The following SORBS2 variants were observed in gnomAD, a reference collection of about 807,000 sequenced individuals.
SORBS2 encodes sorbin and SH3 domain-containing protein 2.
In SORBS2, 46 loss-of-function variants were observed where a neutral mutation model predicts 97.7. The ratio of observed to expected loss-of-function variants is 0.47; its 90% CI spans 0.37 to 0.60. SORBS2 has a LOEUF of 0.60. SORBS2 is among the 20% of genes least tolerant of loss of function. The pLI is 0.00. For synonymous variants in SORBS2, 476 were observed against 473.4 expected (o/e 1.01, Z -0.07); for missense variants, 1,316 against 1,282.3 (o/e 1.03, Z -0.40).
intron 1 of SORBS2, among the ~76,000 whole-genome samples, chr4:185,788,976 A>AAT (rs1215507445): frequency 6.6e-6 from 1 of 152,220 alleles, no homozygotes; most frequent in Non-Finnish European, 1.5e-5. Context: ...GGGTGCTGGA[A>AAT]ATTCAAGTAC....
chr4:185,860,103 C>T (rs1199239984), intron 1 of SORBS2, among the ~76,000 whole-genome samples: 1 of 152,058 alleles, frequency 6.6e-6, no homozygotes, highest in African/African-American at 2.4e-5. Flanking sequence ...GAAAACTTTC[C>T]ACTACATACG....
chr4:185,680,026 T>C (rs992873191), intron 2 of SORBS2, among the ~76,000 whole-genome samples: 4 of 152,224 alleles, frequency 2.6e-5, no homozygotes, highest in African/African-American at 7.2e-5. Context: ...TCCCATTCTT[T>C]ATGATCATTG....
At chr4:185,895,441 A>G (rs1025179054) in intron 1 of SORBS2, among the ~76,000 whole-genome samples, 19 of 152,208 alleles carry the variant, frequency 1.2e-4, no homozygotes, top group Non-Finnish European at 8.8e-5. Context: ...TGAATAAGCC[A>G]AGGAGGTGAG....
chr4:185,763,218 A>T (rs2098913839), intron 2 of SORBS2, among the ~76,000 whole-genome samples: 1 of 152,122 alleles, frequency 6.6e-6, no homozygotes, highest in African/African-American at 2.4e-5. Context: ...AACAAAAAGC[A>T]GGTACAAGAA....
chr4:185,866,665 C>T (rs914979805), intron 1 of SORBS2, among the ~76,000 whole-genome samples: 3 of 152,208 alleles, frequency 2.0e-5, no homozygotes, highest in East Asian at 1.9e-4. Flanking sequence ...ATTGACAGTT[C>T]TAATCTACAT....
At chr4:185,930,816 G>C (rs1421398744) in intron 1 of SORBS2, among the ~76,000 whole-genome samples, 3 of 152,224 alleles carry the variant, frequency 2.0e-5, no homozygotes, top group African/African-American at 7.2e-5. Flanking sequence ...TTCTGTGATG[G>C]AAAAAGTAAT....
At chr4:185,862,625 A>C (rs2099224503) in intron 1 of SORBS2, among the ~76,000 whole-genome samples, 1 of 152,210 alleles carries the variant, frequency 6.6e-6, no homozygotes. Context: ...GAAGGCAGCC[A>C]CTGCCTGTGA....
At position 185,623,243 on chromosome 4, in the gene SORBS2, G is replaced by A. The variant is rs1183612736; in HGVS notation, c.1886C>T (p.Ala629Val). 14 of 1,613,998 alleles carry A rather than the reference G, an allele frequency of 8.7e-6. No homozygotes were observed. Among genetic ancestry groups the A allele is most frequent in the Non-Finnish European group, 5.9e-6 (7 of 1,180,032 alleles). Residue 629 changes from alanine (A) to valine (V), a missense_variant, in exon 7 of 15, where the codon GCA becomes GTA. Physicochemically the swap from Ala to Val is moderately conservative, Grantham distance 64 (BLOSUM62 0). Coordinates refer to ENST00000418609, the Ensembl canonical transcript of SORBS2. This position sits in a 1 kb window ranked among gnomAD's most constrained non-coding sequence, Gnocchi z 6.4. ...AGAGTCCAGAGCCTCAAACACAGAT[G>A]CTTTACATTTTGCCTTTTCAGTCTG... is the stretch of plus-strand genomic sequence containing the variant.
chr4:185,692,889 A>T (rs1361771413), intron 2 of SORBS2, among the ~76,000 whole-genome samples: 1 of 152,238 alleles, frequency 6.6e-6, no homozygotes, highest in East Asian at 1.9e-4. Flanking sequence ...TGAACATTTA[A>T]AATAGGTAAA....
intron 1 of SORBS2, among the ~76,000 whole-genome samples, chr4:185,882,026 C>G (rs960129541): frequency 1.3e-5 from 2 of 152,076 alleles, no homozygotes; most frequent in African/African-American, 4.8e-5. Context: ...TAACATTTAT[C>G]TGTTTTTCTT....
chr4:185,907,104 C>T (rs1179384140), intron 1 of SORBS2, among the ~76,000 whole-genome samples: 2 of 150,840 alleles, frequency 1.3e-5, no homozygotes, highest in Non-Finnish European at 1.5e-5. Context: ...CCACTGCACT[C>T]CAGCCTGGGT....
At chr4:185,695,269 A>C (rs576775258) in intron 2 of SORBS2, among the ~76,000 whole-genome samples, 5 of 152,092 alleles carry the variant, frequency 3.3e-5, no homozygotes, top group African/African-American at 1.2e-4. Context: ...TAAGAATTCT[A>C]TGTAGGTCAT....
At chr4:185,805,323 G>A (rs1413479566) in intron 1 of SORBS2, among the ~76,000 whole-genome samples, 2 of 152,014 alleles carry the variant, frequency 1.3e-5, no homozygotes, top group Admixed American at 6.5e-5. Flanking sequence ...TCAGAAAAAT[G>A]TCTGAATTGT....
intron 2 of SORBS2, among the ~76,000 whole-genome samples, chr4:185,769,591 A>G (rs986746850): frequency 6.6e-6 from 1 of 152,166 alleles, no homozygotes; most frequent in African/African-American, 2.4e-5. Flanking sequence ...CCCGGGTTCA[A>G]GCAATTCTCC....
chr4:185,673,467 T>G (rs1488979600), intron 4 of SORBS2, among the ~76,000 whole-genome samples: 1 of 152,094 alleles, frequency 6.6e-6, no homozygotes, highest in South Asian at 2.1e-4. Flanking sequence ...GTAAAAAAAA[T>G]GAAGTATTGT....
intron 2 of SORBS2, among the ~76,000 whole-genome samples, chr4:185,720,220 G>A (rs913696878): frequency 1.3e-5 from 2 of 152,208 alleles, no homozygotes; most frequent in Non-Finnish European, 2.9e-5. Flanking sequence ...TTACATGAGT[G>A]AGCAATACAC....
intron 2 of SORBS2, among the ~76,000 whole-genome samples, chr4:185,700,047 T>G (rs1303256799): frequency 6.6e-6 from 1 of 152,110 alleles, no homozygotes; most frequent in Non-Finnish European, 1.5e-5. Context: ...GCAGAAGGCA[T>G]ACACACGAGA....
intron 1 of SORBS2, among the ~76,000 whole-genome samples, chr4:185,893,758 G>A (rs2099243635): frequency 6.6e-6 from 1 of 152,150 alleles, no homozygotes; most frequent in Non-Finnish European, 1.5e-5. Flanking sequence ...GAGGCAACAA[G>A]GTTATGGGAG....
Position 185,607,636 on chromosome 4 carries a change from G to T in SORBS2, c.2796+4144C>A, listed in dbSNP as rs1314067742. ...CTTAAATGTCAAACAAGATAAAGAT[G>T]ATATAGAGATTACCAGGACAGTAAA... On this transcript the variant is annotated intron_variant, in intron 12 of 14. Transcript: ENST00000418609. This position sits in a 1 kb window ranked among gnomAD's most constrained non-coding sequence, Gnocchi z 5.2. Among the ~76,000 whole-genome samples, 4 of 152,056 alleles carry T rather than the reference G, an allele frequency of 2.6e-5. No homozygotes were observed. Among genetic ancestry groups the T allele is most frequent in the Non-Finnish European group, 4.4e-5 (3 of 68,010 alleles).
Sources: gnomAD v4.1 joint callset for allele counts (sites outside exome capture counted in the v4.1 genomes callset) on GRCh38, gnomAD v4.1.1 for gene constraint, Gnocchi (gnomAD v3.1) non-coding constraint, MANE v1.5 for transcripts, NCBI Gene and HGNC (gene_info 2026-07-23, HGNC 2026-07-21) for gene names.